RTN4: variants seen among roughly 807,000 people sequenced by gnomAD.
RTN4 encodes reticulon 4.
A neutral mutation model predicts 90.4 loss-of-function variants in RTN4; 32 were observed. The ratio of observed to expected loss-of-function variants is 0.35; its 90% CI spans 0.27 to 0.48. RTN4 has a LOEUF of 0.48. Among genes scored for constraint, RTN4 ranks in the 20% least tolerant of loss-of-function variants. The pLI, the probability that RTN4 is intolerant of heterozygous loss-of-function variation, is 0.99. For missense variants in RTN4, 1,706 were observed against 1,430.2 expected, an observed-to-expected ratio of 1.19 and a Z score of -3.11; for synonymous variants, 629 against 552.5, an observed-to-expected ratio of 1.14 and a Z score of -1.94.
In RTN4 at chr2:55,049,842, G is replaced by C; in HGVS notation, c.459C>G (p.Pro153=). Residue 153 remains proline (P), a synonymous_variant, in exon 1 of 9, where the codon CCC becomes CCG. Coordinates refer to ENST00000337526, the MANE Select transcript of RTN4 (RefSeq NM_020532.5). ...GCGGGGTCCACACGGGCTCTGCCTG[G>C]GGGCTCACGCTGGCCGGGGGAGGAG... is the stretch of plus-strand genomic sequence containing the variant. ...PPPPPPASVS[P]QAEPVWTPPA... is the part of the protein sequence containing the mutation. 1 of 1,316,518 alleles carries C rather than the reference G, an allele frequency of 7.6e-7. No homozygotes were observed. Among genetic ancestry groups the C allele is most frequent in the Non-Finnish European group, 9.6e-7 (1 of 1,036,512 alleles). 81.6% of individuals were successfully genotyped at this position (1,316,518 alleles called of 1,614,324 possible).
At position 54,972,902 on chromosome 2, in the gene RTN4, CAGAT is replaced by C. The variant is rs10610251; in HGVS notation, c.*250_*253del. The C allele has an allele frequency of 0.48, 168,500 of 353,832 alleles. 40,580 individuals are homozygous for C. Among genetic ancestry groups the C allele is most frequent in the East Asian group, 0.59 (14,180 of 23,954 alleles). The allele number at this position is 353,832 out of a possible 1,614,324, so 21.9% of individuals were successfully genotyped here. On this transcript the variant is annotated 3_prime_UTR_variant, in exon 9 of 9. Coordinates refer to ENST00000337526, the MANE Select transcript of RTN4 (RefSeq NM_020532.5). ...CAGGTTTTTTATTCCACCAGTGCCT[CAGAT>C]AGATAGGAAAAAGATATGATTACGG...
At chr2:55,022,719 T>G (rs1681530220) in intron 3 of RTN4, among the ~76,000 whole-genome samples, 1 of 152,220 alleles carries the variant, frequency 6.6e-6, no homozygotes, top group South Asian at 2.1e-4. Flanking sequence ...GCCATCACCC[T>G]GGGTGACTTC....
chr2:55,097,301 C>CA (rs5831338), intron 1 of RTN4, among the ~76,000 whole-genome samples: 37,251 of 108,712 alleles, frequency 0.34, 5,666 homozygotes, highest in East Asian at 0.5. Flanking sequence ...AATTCTGTCT[C>CA]AAAAAAAAAA....
intron 3 of RTN4, chr2:55,014,574 G>C (rs1680891335): frequency 6.6e-6 from 1 of 151,122 alleles, no homozygotes; most frequent in South Asian, 2.1e-4. Flanking sequence ...CTGGAATGCA[G>C]TGGCACGATC....
chr2:55,131,429 A>C, the RTN4 span, among the ~76,000 whole-genome samples: 1 of 149,598 alleles, frequency 6.7e-6, no homozygotes, highest in Non-Finnish European at 1.5e-5. Context: ...GGCTGGTCCT[A>C]ACTCCTGGAA....
At chr2:54,985,989 A>AT (rs1325157017) in intron 4 of RTN4, among the ~76,000 whole-genome samples, 3 of 152,202 alleles carry the variant, frequency 2.0e-5, no homozygotes, top group Admixed American at 2.0e-4. Context: ...TAGGAACTGA[A>AT]TTTTCGGATC....
At chr2:54,983,657 C>T (rs916036955) in intron 4 of RTN4, among the ~76,000 whole-genome samples, 8 of 152,154 alleles carry the variant, frequency 5.3e-5, no homozygotes, top group Non-Finnish European at 7.3e-5. Context: ...TTACTATTTA[C>T]GAGCTGGAAT....
chr2:55,096,050 C>T (rs537737481), intron 1 of RTN4, among the ~76,000 whole-genome samples: 10 of 152,190 alleles, frequency 6.6e-5, no homozygotes, highest in East Asian at 1.9e-4. Flanking sequence ...CATGCTGGGC[C>T]GGGTATGGTG....
chr2:55,105,965 A>T (rs529872537), intron 1 of RTN4, among the ~76,000 whole-genome samples: 3 of 152,068 alleles, frequency 2.0e-5, no homozygotes, highest in African/African-American at 7.3e-5. Flanking sequence ...GGGTGACAGG[A>T]GGAGACCCCC....
At chr2:55,117,015 A>C (rs1171084018), upstream of RTN4, among the ~76,000 whole-genome samples, 2 of 151,738 alleles carry the variant, frequency 1.3e-5, no homozygotes, top group Admixed American at 6.6e-5. Context: ...CTGGGGCTAC[A>C]TGTGTTCGCC....
chr2:55,095,635 C>T (rs965389016), intron 1 of RTN4, among the ~76,000 whole-genome samples: 1 of 152,158 alleles, frequency 6.6e-6, no homozygotes, highest in Non-Finnish European at 1.5e-5. Context: ...CACCTCGGCA[C>T]TCCCTATCTC....
intron 2 of RTN4, among the ~76,000 whole-genome samples, chr2:55,057,474 G>C (rs958976828): frequency 1.3e-5 from 2 of 152,038 alleles, no homozygotes; most frequent in African/African-American, 4.8e-5. Context: ...CAGGCACTTG[G>C]GTACTCAATC....
intron 3 of RTN4, among the ~76,000 whole-genome samples, chr2:55,013,029 T>G (rs994374661): frequency 6.6e-6 from 1 of 152,170 alleles, no homozygotes; most frequent in African/African-American, 2.4e-5. Context: ...GTAGAGCACA[T>G]GTCTCAACTT....
At chr2:55,023,035 C>G (rs1261221510) in intron 3 of RTN4, among the ~76,000 whole-genome samples, 3 of 152,074 alleles carry the variant, frequency 2.0e-5, no homozygotes, top group African/African-American at 7.2e-5. Context: ...TAAACCTAAT[C>G]TGGGCCTTGA....
intron 3 of RTN4, among the ~76,000 whole-genome samples, chr2:54,999,099 C>G (rs979899436): frequency 2.0e-4 from 31 of 152,032 alleles, no homozygotes; most frequent in African/African-American, 7.5e-4. Flanking sequence ...TTTAACAAAC[C>G]CTTGTAGTTT....
intron 3 of RTN4, among the ~76,000 whole-genome samples, chr2:55,001,305 C>T (rs569432976): frequency 6.6e-6 from 1 of 152,298 alleles, no homozygotes; most frequent in South Asian, 2.1e-4. Context: ...TTTTCACACA[C>T]ATACTCCTTT....
At chr2:54,998,105 TTC>T (rs1679574564) in intron 3 of RTN4, among the ~76,000 whole-genome samples, 1 of 152,032 alleles carries the variant, frequency 6.6e-6, no homozygotes, top group Non-Finnish European at 1.5e-5. Context: ...TATTTTATGA[TTC>T]TGTTTATATG....
chr2:55,111,727 T>C (rs1307608783), intron 1 of RTN4, among the ~76,000 whole-genome samples: 3 of 152,194 alleles, frequency 2.0e-5, no homozygotes, highest in Admixed American at 6.5e-5. Flanking sequence ...GTAGGGGCCA[T>C]GTACAGAGTA....
intron 1 of RTN4, among the ~76,000 whole-genome samples, chr2:55,106,999 A>T (rs1667954969): frequency 6.6e-6 from 1 of 152,008 alleles, no homozygotes; most frequent in Non-Finnish European, 1.5e-5. Flanking sequence ...GTCATATTAA[A>T]CTCTTAAATT....
Sources: allele counts gnomAD v4.1 joint callset (sites outside exome capture counted in the v4.1 genomes callset), GRCh38; gene constraint gnomAD v4.1.1; transcripts MANE v1.5; gene names NCBI Gene and HGNC (gene_info 2026-07-23, HGNC 2026-07-21).